The following ZNF138 variants were observed in gnomAD, a reference collection of about 807,000 sequenced individuals.
ZNF138 encodes the protein zinc finger protein 138 (clone pHZ-32).
In ZNF138, 33 loss-of-function variants were observed where a neutral mutation model predicts 33.0. The ratio of observed to expected loss-of-function variants is 1.00; its 90% CI spans 0.76 to 1.34. The LOEUF (loss-of-function observed/expected upper bound fraction) is 1.34. Among genes scored for constraint, ZNF138 ranks in the 40% most tolerant of loss-of-function variants. The pLI is 0.00. For missense variants in ZNF138, 360 were observed against 370.8 expected (o/e 0.97, Z 0.24); for synonymous variants, 139 against 120.4 (o/e 1.15, Z -1.01).
In ZNF138 at chr7:64,832,769, C is replaced by T. The variant is rs188023354; in HGVS notation, c.*567C>T. ...AACCTTACAAATGTGAGGAATGTGG[C>T]AAAGGTTTTAGCCAACTCTCAAACC... On this transcript the variant is annotated 3_prime_UTR_variant, in exon 4 of 4. Coordinates refer to ENST00000307355, the MANE Select transcript of ZNF138 (RefSeq NM_001271639.2). 1.3e-5 allele frequency: 6 copies of T among 450,886 alleles called. No homozygotes were observed. Among genetic ancestry groups the T allele is most frequent in the Non-Finnish European group, 2.7e-5 (6 of 223,578 alleles). The allele number at this position is 450,886 out of a possible 1,614,324, so 27.9% of individuals were successfully genotyped here.
At chr7:64,841,102 A>G in the ZNF138 span, among the ~76,000 whole-genome samples, 3 of 152,090 alleles carry the variant, frequency 2.0e-5, no homozygotes, top group Non-Finnish European at 2.9e-5. Context: ...TGCTAGACCT[A>G]TAATTTTCTT....
chr7:64,804,213 T>G (rs907700659), intron 1 of ZNF138, among the ~76,000 whole-genome samples: 9 of 152,176 alleles, frequency 5.9e-5, no homozygotes, highest in Non-Finnish European at 1.2e-4. Flanking sequence ...AGTTAAAGAT[T>G]GACCCCTGAC....
At chr7:64,824,273 C>T (rs1289508603) in intron 3 of ZNF138, among the ~76,000 whole-genome samples, 1 of 152,068 alleles carries the variant, frequency 6.6e-6, no homozygotes, top group Non-Finnish European at 1.5e-5. Flanking sequence ...GCTTCTTTAC[C>T]CCACAATTCC....
rs1788552423 is a variant in ZNF138 at position 64,815,559 on chromosome 7, T to G, written c.131-17T>G. 6.2e-7 allele frequency: 1 copy of G among 1,602,884 alleles called. No homozygotes were observed. Among genetic ancestry groups the G allele is most frequent in the Admixed American group, 1.8e-5 (1 of 57,124 alleles). On this transcript the variant is annotated splice_polypyrimidine_tract_variant and intron_variant, in intron 2 of 3. Coordinates refer to ENST00000307355, the MANE Select transcript of ZNF138 (RefSeq NM_001271639.2). ...TACTTATTTTTAATAAAACAAGTAT[T>G]GCTATCTCTAAGCCAGACCTGATTA...
chr7:64,815,655 T>TA lies in ZNF138; in HGVS notation c.208+3dup. On this transcript the variant is annotated splice_region_variant and intron_variant, in intron 3 of 3. Coordinates refer to ENST00000307355, the MANE Select transcript of ZNF138 (RefSeq NM_001271639.2). ...AGATGGTGGTAGCCAAACATTCAGG[T>TA]AGGTGAGAGTGAATACACAGATGGC... is the stretch of plus-strand genomic sequence containing the variant. 1 of 1,610,220 alleles carries TA rather than the reference T, an allele frequency of 6.2e-7. No individual in the cohort carries two copies. The highest frequency in any genetic ancestry group is 8.5e-7 in the Non-Finnish European group (1 of 1,178,176).
chr7:64,814,505 A>G (rs6460187), intron 1 of ZNF138, among the ~76,000 whole-genome samples: 150,061 of 152,276 alleles, frequency 0.99, 73,979 homozygotes, highest in East Asian at 1. Flanking sequence ...GGTGGCTCAC[A>G]CCTGTAATCC....
the ZNF138 span, chr7:64,853,049 C>CA: frequency 6.8e-7 from 1 of 1,472,706 alleles, no homozygotes; most frequent in South Asian, 1.1e-5. Context: ...GACATTGGCA[C>CA]ATGCTATCCT....
intron 1 of ZNF138, among the ~76,000 whole-genome samples, chr7:64,797,772 T>A (rs1053217817): frequency 2.0e-5 from 3 of 152,174 alleles, no homozygotes; most frequent in Admixed American, 6.6e-5. Context: ...GTTTATTTTT[T>A]AAAAAATTCT....
chr7:64,805,954 C>T (rs1408168517), intron 1 of ZNF138, among the ~76,000 whole-genome samples: 3 of 152,230 alleles, frequency 2.0e-5, no homozygotes, highest in African/African-American at 7.2e-5. Context: ...TGGTGACCAT[C>T]TTTCTGTCTT....
the ZNF138 span, chr7:64,852,862 T>C: frequency 1.2e-6 from 1 of 869,074 alleles, no homozygotes; most frequent in Non-Finnish European, 2.0e-6. Flanking sequence ...TCCAGGGGTT[T>C]AGTACTGTTT....
At chr7:64,822,885 T>C (rs1241181312) in intron 3 of ZNF138, among the ~76,000 whole-genome samples, 1 of 152,190 alleles carries the variant, frequency 6.6e-6, no homozygotes, top group Non-Finnish European at 1.5e-5. Flanking sequence ...TTTTTTTATT[T>C]TTTTTTTTTT....
At chr7:64,828,167 A>G (rs535703205) in intron 3 of ZNF138, among the ~76,000 whole-genome samples, 98 of 117,510 alleles carry the variant, frequency 8.3e-4, no homozygotes, top group Admixed American at 2.0e-3. Context: ...TAATTTAAAA[A>G]CTATCATAAT....
intron 1 of ZNF138, among the ~76,000 whole-genome samples, chr7:64,798,650 A>G (rs1325821630): frequency 2.0e-5 from 3 of 152,088 alleles, no homozygotes; most frequent in Non-Finnish European, 2.9e-5. Flanking sequence ...ATGGTGGCCC[A>G]TGCCTGTAAT....
chr7:64,821,071 T>G (rs1271972917), intron 3 of ZNF138, among the ~76,000 whole-genome samples: 1 of 149,266 alleles, frequency 6.7e-6, no homozygotes, highest in East Asian at 2.0e-4. Context: ...TTTTGTTTTG[T>G]TTTGTTTTTT....
downstream of ZNF138, among the ~76,000 whole-genome samples, chr7:64,837,966 G>T (rs1018048123): frequency 7.2e-5 from 11 of 152,138 alleles, no homozygotes; most frequent in African/African-American, 2.4e-4. Flanking sequence ...GGGCAGTGAA[G>T]GCGTCTGGCG....
At position 64,832,238 on chromosome 7, in the gene ZNF138, GAA is replaced by G. The variant is rs771340238; in HGVS notation, c.*38_*39del. On this transcript the variant is annotated 3_prime_UTR_variant, in exon 4 of 4. Coordinates refer to ENST00000307355, the MANE Select transcript of ZNF138 (RefSeq NM_001271639.2). Reference sequence around the variant, plus strand: ...AACATAAGAAAATTTACACTAGAGAGAAAGCCTACAAATGTGAAGAATGTGGC... The same window carrying G: ...AACATAAGAAAATTTACACTAGAGAGAGCCTACAAATGTGAAGAATGTGGC... 1 of 1,602,246 alleles carries G rather than the reference GAA, an allele frequency of 6.2e-7. No individual in the cohort carries two copies. Among genetic ancestry groups the G allele is most frequent in the Non-Finnish European group, 8.5e-7 (1 of 1,176,516 alleles).
At chr7:64,837,917 T>C (rs1790409085), downstream of ZNF138, among the ~76,000 whole-genome samples, 1 of 152,098 alleles carries the variant, frequency 6.6e-6, no homozygotes, top group Non-Finnish European at 1.5e-5. Context: ...GGATGGTAGA[T>C]TATGGGTTCA....
intron 1 of ZNF138, among the ~76,000 whole-genome samples, chr7:64,812,945 T>C (rs951846349): frequency 3.3e-5 from 5 of 151,940 alleles, no homozygotes; most frequent in Admixed American, 3.3e-4. Context: ...CTGTAAACCT[T>C]TACTTCTCTA....
chr7:64,852,787 T>C, the ZNF138 span: 1 of 841,814 alleles, frequency 1.2e-6, no homozygotes. Flanking sequence ...CCCCTGGTAC[T>C]GCATTGTCTG....
Sources: allele counts gnomAD v4.1 joint callset (sites outside exome capture counted in the v4.1 genomes callset), GRCh38; gene constraint gnomAD v4.1.1; transcripts MANE v1.5; gene names NCBI Gene and HGNC (gene_info 2026-07-23, HGNC 2026-07-21).